The following NBEA variants were observed in gnomAD, a reference collection of about 807,000 sequenced individuals.
The protein encoded by NBEA is neurobeachin.
NBEA carries 44 observed loss-of-function variants against 343.4 expected under a neutral mutation model. The observed-to-expected ratio is 0.13, with a 90% CI of 0.10 to 0.16. The LOEUF (loss-of-function observed/expected upper bound fraction) is 0.16. Ranked by LOEUF, NBEA falls within the 10% of genes least tolerant of loss-of-function variation. The probability of loss-of-function intolerance (pLI) is 1.00; values close to 1 mark genes in which losing one functional copy is unlikely to be tolerated. For synonymous variants in NBEA, 1,175 were observed against 1,238.7 expected (o/e 0.95, Z 1.08); for missense variants, 2,555 against 3,631.3 (o/e 0.70, Z 7.62).
Position 35,421,230 on chromosome 13 carries a change from C to A in NBEA, c.6180-11039C>A, listed in dbSNP as rs529167618. Among the ~76,000 whole-genome samples the A allele has an allele frequency of 1.4e-4, 21 of 151,912 alleles. No individual in the cohort carries two copies. The South Asian group carries it at 4.4e-3, about 31-fold the overall frequency. ...TTCTTTTGGTTTTCCCTCGAGAATT[C>A]TTTTTTAAATCAAGGGTTATTTATT... On this transcript the variant is annotated intron_variant, in intron 38 of 58. Coordinates refer to ENST00000379939, the MANE Select transcript of NBEA (RefSeq NM_001385012.1).
At chr13:35,065,957 C>T (rs1472744373) in intron 8 of NBEA, among the ~76,000 whole-genome samples, 1 of 151,986 alleles carries the variant, frequency 6.6e-6, no homozygotes, top group Admixed American at 6.6e-5. Flanking sequence ...GGGAATGTTT[C>T]GTGTGTACAT....
chr13:35,336,158 T>G (rs1396812861), intron 36 of NBEA, among the ~76,000 whole-genome samples: 1 of 151,978 alleles, frequency 6.6e-6, no homozygotes, highest in East Asian at 1.9e-4. Context: ...CATACAAAAT[T>G]AGTTAAGAAA....
chr13:35,316,336 T>G (rs1202371104), intron 36 of NBEA, among the ~76,000 whole-genome samples: 2 of 152,012 alleles, frequency 1.3e-5, no homozygotes, highest in African/African-American at 2.4e-5. Flanking sequence ...CACCTCCCAC[T>G]TATGAGTGAG....
At chr13:35,293,900 A>G (rs1438298984) in intron 35 of NBEA, among the ~76,000 whole-genome samples, 1 of 152,044 alleles carries the variant, frequency 6.6e-6, no homozygotes, top group East Asian at 1.9e-4. Flanking sequence ...AATAGAAAAC[A>G]TTTTATAAAT....
chr13:35,305,419 G>A (rs960305552), intron 35 of NBEA, among the ~76,000 whole-genome samples: 4 of 152,084 alleles, frequency 2.6e-5, no homozygotes, highest in Non-Finnish European at 5.9e-5. Context: ...AGTATGTTTA[G>A]GGTTTGTCAC....
intron 1 of NBEA, among the ~76,000 whole-genome samples, chr13:34,981,027 TA>T (rs1438064773): frequency 6.6e-6 from 1 of 152,216 alleles, no homozygotes; most frequent in African/African-American, 2.4e-5. Flanking sequence ...AATGTACTTT[TA>T]TAACATTTCC....
chr13:35,514,411 C>G (rs940341926), intron 41 of NBEA, among the ~76,000 whole-genome samples: 3 of 152,026 alleles, frequency 2.0e-5, no homozygotes, highest in Non-Finnish European at 4.4e-5. Context: ...AATTACTGCA[C>G]GCCGACCAGC....
At chr13:35,249,643 G>T (rs1302087617) in intron 34 of NBEA, among the ~76,000 whole-genome samples, 1 of 152,174 alleles carries the variant, frequency 6.6e-6, no homozygotes, top group Non-Finnish European at 1.5e-5. Flanking sequence ...AAATTGTGCA[G>T]CCAGTATGGA....
rs1307508394 is a variant in NBEA at position 35,594,108 on chromosome 13, T to C, written c.7296+661T>C. ...AAACATTGTATTCAAAGCAATAATA[T>C]ATATTTGTTCTCTCATTTGTCTCAT... On this transcript the variant is annotated intron_variant, in intron 47 of 58. Transcript: ENST00000379939. Among the ~76,000 whole-genome samples, 5 of 152,120 alleles carry C rather than the reference T, an allele frequency of 3.3e-5. No individual in the cohort carries two copies. The East Asian group carries it at 9.6e-4, about 29-fold the overall frequency.
chr13:34,974,519 A>G (rs566170194), intron 1 of NBEA, among the ~76,000 whole-genome samples: 2 of 152,236 alleles, frequency 1.3e-5, no homozygotes, highest in Non-Finnish European at 2.9e-5. Context: ...GCAGTGGGCC[A>G]GAACTGACTA....
At chr13:35,168,617 G>A (rs1355577719) in intron 24 of NBEA, among the ~76,000 whole-genome samples, 1 of 151,184 alleles carries the variant, frequency 6.6e-6, no homozygotes, top group Non-Finnish European at 1.5e-5. Context: ...ATTGAGGTAG[G>A]GATTTTGCAG....
intron 38 of NBEA, among the ~76,000 whole-genome samples, chr13:35,368,961 A>AT (rs2041275444): frequency 6.6e-6 from 1 of 151,754 alleles, no homozygotes; most frequent in Admixed American, 6.6e-5. Flanking sequence ...CCTCTGACCA[A>AT]TTAACAAATA....
intron 30 of NBEA, among the ~76,000 whole-genome samples, chr13:35,191,133 G>A (rs1445524418): frequency 1.3e-5 from 2 of 152,020 alleles, no homozygotes; most frequent in Admixed American, 1.3e-4. Flanking sequence ...AGTGAACAGA[G>A]CCTCACAGAC....
In NBEA at chr13:35,111,913, CT is replaced by C. The variant is rs773135374; in HGVS notation, c.2002+956del. On this transcript the variant is annotated intron_variant, in intron 13 of 58. Coordinates refer to ENST00000379939, the MANE Select transcript of NBEA (RefSeq NM_001385012.1). ...GTTGATAAGGAAAAATAACACTTTC[CT>C]TTTTTTTTTTTTTTTTTTTTGAGAC... 5.6e-3 allele frequency among the ~76,000 whole-genome samples: 692 copies of C among 122,738 alleles called. 2 individuals are homozygous for C. The highest frequency in any genetic ancestry group is 9.3e-3 in the Middle Eastern group (2 of 216). 80.5% of individuals were successfully genotyped at this position (122,738 alleles called of 152,430 possible). A position where few individuals can be genotyped will look rare whatever the true frequency, so the allele number is the denominator to read the frequency against.
intron 34 of NBEA, among the ~76,000 whole-genome samples, chr13:35,258,655 T>C (rs1377808402): frequency 6.6e-6 from 1 of 152,166 alleles, no homozygotes; most frequent in Non-Finnish European, 1.5e-5. Flanking sequence ...ATTTAGATAC[T>C]GTTGATAATG....
chr13:35,305,905 T>G (rs1444473218), intron 35 of NBEA, among the ~76,000 whole-genome samples: 1 of 152,202 alleles, frequency 6.6e-6, no homozygotes, highest in African/African-American at 2.4e-5. Context: ...TTACTGATAG[T>G]TTGGCTGCAT....
intron 41 of NBEA, among the ~76,000 whole-genome samples, chr13:35,536,399 G>C (rs995914060): frequency 6.6e-6 from 1 of 151,900 alleles, no homozygotes; most frequent in Non-Finnish European, 1.5e-5. Context: ...GTGTGGAAAT[G>C]TTTGATATCT....
chr13:35,368,419 G>A (rs1281998248), intron 38 of NBEA, among the ~76,000 whole-genome samples: 1 of 151,250 alleles, frequency 6.6e-6, no homozygotes, highest in African/African-American at 2.4e-5. Flanking sequence ...GGACATAAAG[G>A]AATAAAATAC....
At chr13:35,435,082 G>T (rs1417825671) in intron 39 of NBEA, among the ~76,000 whole-genome samples, 3 of 152,160 alleles carry the variant, frequency 2.0e-5, no homozygotes. Context: ...AGGCTGGAGT[G>T]CAATGGCGCG....
Sources: allele counts gnomAD v4.1 joint callset (sites outside exome capture counted in the v4.1 genomes callset), GRCh38; gene constraint gnomAD v4.1.1; transcripts MANE v1.5; gene names NCBI Gene and HGNC (gene_info 2026-07-23, HGNC 2026-07-21).